RTKN2: variants seen among roughly 807,000 people sequenced by gnomAD.
The protein encoded by RTKN2 is rhotekin 2, also known as rhotekin-2.
A neutral mutation model predicts 71.5 loss-of-function variants in RTKN2; 69 were observed. The observed-to-expected ratio is 0.96, with a 90% confidence interval of 0.79 to 1.18. RTKN2 has a LOEUF of 1.18. Ranked by LOEUF, RTKN2 falls within the 50% of genes most tolerant of loss-of-function variation. The probability of loss-of-function intolerance (pLI) is 0.00; values close to 1 mark genes in which losing one functional copy is unlikely to be tolerated. For synonymous variants in RTKN2, 236 were observed against 236.5 expected (o/e 1.00, Z 0.02); for missense variants, 724 against 719.7 (o/e 1.01, Z -0.07).
rs568112317 is a variant in RTKN2 at position 62,235,682 on chromosome 10, G to GTC, written c.686+383_686+384insGA. ...ATGTATAAGGTGTGTGTGTGTGTGT[G>GTC]TGTGTGTATACATGTATGTATATAA... is the stretch of plus-strand genomic sequence containing the variant. On this transcript the variant is annotated intron_variant, in intron 6 of 11. Transcript: ENST00000373789. 7.0e-4 allele frequency among the ~76,000 whole-genome samples: 59 copies of GTC among 84,698 alleles called. No homozygotes were observed. The South Asian group carries it at 0.018, about 25-fold the overall frequency. 55.6% of individuals were successfully genotyped at this position (84,698 alleles called of 152,430 possible).
chr10:62,211,253 T>A (rs903401751), intron 9 of RTKN2, among the ~76,000 whole-genome samples: 7 of 152,200 alleles, frequency 4.6e-5, no homozygotes, highest in Admixed American at 4.6e-4. Flanking sequence ...TTTCTGAATT[T>A]GAAGCAATCA....
chr10:62,231,129 T>C (rs1415582447), intron 6 of RTKN2, among the ~76,000 whole-genome samples: 4 of 152,210 alleles, frequency 2.6e-5, no homozygotes, highest in Non-Finnish European at 5.9e-5. Flanking sequence ...ATTTAAAATG[T>C]AGTATTATAA....
chr10:62,215,175 G>T, intron 9 of RTKN2: 1 of 825,862 alleles, frequency 1.2e-6, no homozygotes, highest in Admixed American at 3.2e-5. Flanking sequence ...AAAATTAGTA[G>T]GATTTCATTT....
intron 1 of RTKN2, among the ~76,000 whole-genome samples, chr10:62,267,651 TC>T (rs1842890657): frequency 6.6e-6 from 1 of 152,336 alleles, no homozygotes; most frequent in Non-Finnish European, 1.5e-5. Flanking sequence ...GCTAAGGAAA[TC>T]CCAGATTTTT....
chr10:62,224,328 C>G (rs1841973930), intron 6 of RTKN2, among the ~76,000 whole-genome samples: 1 of 72,488 alleles, frequency 1.4e-5, no homozygotes, highest in African/African-American at 5.0e-5. Context: ...GAATGCTTTA[C>G]TACAAAAAAG....
At chr10:62,247,610 A>T (rs987459424) in intron 2 of RTKN2, among the ~76,000 whole-genome samples, 2 of 151,996 alleles carry the variant, frequency 1.3e-5, no homozygotes, top group African/African-American at 4.8e-5. Context: ...ATTTTATATT[A>T]GTTTGTAATG....
chr10:62,224,475 C>T (rs767916472), intron 6 of RTKN2, among the ~76,000 whole-genome samples: 25 of 151,908 alleles, frequency 1.6e-4, no homozygotes, highest in African/African-American at 2.7e-4. Context: ...GAAGGGTCCC[C>T]GTTCATTTAA....
intron 1 of RTKN2, among the ~76,000 whole-genome samples, 186 bp downstream of exon 1, chr10:62,268,365 G>T (rs1842903635): frequency 6.6e-6 from 1 of 152,260 alleles, no homozygotes; most frequent in Non-Finnish European, 1.5e-5. Context: ...GAAACTCGGG[G>T]GTTCCGATGT....
downstream of RTKN2, among the ~76,000 whole-genome samples, chr10:62,192,791 T>A (rs2132768692): frequency 6.6e-6 from 1 of 152,270 alleles, no homozygotes; most frequent in African/African-American, 2.4e-5. Context: ...AAGTACCTAG[T>A]AGGGCATGGC....
In RTKN2 at chr10:62,198,167, TG is replaced by T; in HGVS notation, c.1570del (p.Gln524AsnfsTer25). ...TTTTCCCCAGTTGTCCTTAACCAAT[TG>T]ATCTGTGTTACTCTGTGATTTTAAG... is the stretch of plus-strand genomic sequence containing the variant. Reference protein sequence around the residue: ...FSLKSQSNTDQLVKDNWGKTS... With the variant: ...FSLKSQSNTDXLVKDNWGKTS... On this transcript the variant is annotated frameshift_variant, in exon 12 of 12. Transcript: ENST00000373789. LOFTEE classifies it high-confidence loss of function. 6.2e-7 allele frequency: 1 copy of T among 1,614,122 alleles called. No homozygotes were observed. Among genetic ancestry groups the T allele is most frequent in the East Asian group, 2.2e-5 (1 of 44,888 alleles).
At chr10:62,230,973 A>T (rs1371703729) in intron 6 of RTKN2, among the ~76,000 whole-genome samples, 1 of 152,232 alleles carries the variant, frequency 6.6e-6, no homozygotes, top group Non-Finnish European at 1.5e-5. Flanking sequence ...TTAATTATAT[A>T]TAATAGTTGA....
rs1452054871 is a variant in RTKN2 at position 62,206,791 on chromosome 10, CTT to C, written c.1021-1771_1021-1770del. ...TACACTTCTATGTCTTGGTAATAAA[CTT>C]TGTGAATTAGTTCTTTTAAGTAATT... On this transcript the variant is annotated intron_variant, in intron 9 of 11. Coordinates refer to ENST00000373789, the MANE Select transcript of RTKN2 (RefSeq NM_145307.4). Among the ~76,000 whole-genome samples, 7 of 151,978 alleles carry C rather than the reference CTT, an allele frequency of 4.6e-5. No homozygotes were observed. The East Asian group carries it at 1.3e-3, about 29-fold the overall frequency.
chr10:62,249,251 A>T (rs1842532764), intron 2 of RTKN2, among the ~76,000 whole-genome samples: 2 of 152,096 alleles, frequency 1.3e-5, no homozygotes. Context: ...TAAAAATCAC[A>T]ATTATGTTGA....
At chr10:62,230,850 C>A (rs949981765) in intron 6 of RTKN2, among the ~76,000 whole-genome samples, 3 of 152,108 alleles carry the variant, frequency 2.0e-5, no homozygotes, top group Non-Finnish European at 4.4e-5. Context: ...TCCTTTAAAA[C>A]AAATAATGAC....
chr10:62,196,465 C>A lies in RTKN2; in HGVS notation c.*1443G>T. 1 of 985,256 alleles carries A rather than the reference C, an allele frequency of 1.0e-6. No individual in the cohort carries two copies. Among genetic ancestry groups the A allele is most frequent in the Non-Finnish European group, 1.2e-6 (1 of 829,812 alleles). The allele number at this position is 985,256 out of a possible 1,614,324, so 61.0% of individuals were successfully genotyped here. A position where few individuals can be genotyped will look rare whatever the true frequency, so the allele number is the denominator to read the frequency against. ...CTGGGCAAACACAAAAGTGTCCTGGCAGTTACATCATTCTCTATAAATGGA... is the reference window on the plus strand; with the variant it reads ...CTGGGCAAACACAAAAGTGTCCTGGAAGTTACATCATTCTCTATAAATGGA... On this transcript the variant is annotated 3_prime_UTR_variant, in exon 12 of 12. Coordinates refer to ENST00000373789, the MANE Select transcript of RTKN2 (RefSeq NM_145307.4).
intron 5 of RTKN2, chr10:62,238,546 G>A (rs1842305876): frequency 6.6e-6 from 1 of 151,872 alleles, no homozygotes; most frequent in Non-Finnish European, 1.5e-5. Flanking sequence ...AGTTGATAAT[G>A]GAAATAAATG....
chr10:62,198,060 GAGGAGCAGCCATTGGTTTCTGTA>G lies in RTKN2; in HGVS notation c.1655_1677del (p.Leu552SerfsTer10), dbSNP rs1841365223. On this transcript the variant is annotated frameshift_variant, in exon 12 of 12. Coordinates refer to ENST00000373789, the MANE Select transcript of RTKN2 (RefSeq NM_145307.4). LOFTEE classifies it high-confidence loss of function. ...TTTCTCCTGGCAGGCAGAAGTTTTC[GAGGAGCAGCCATTGGTTTCTGTA>G]AGTGATGCATTAGAGTTGATAGTTT... 6.2e-7 allele frequency: 1 copy of G among 1,613,910 alleles called. No individual in the cohort carries two copies. The highest frequency in any genetic ancestry group is 1.7e-5 in the Admixed American group (1 of 59,968).
At chr10:62,199,727 A>C (rs1345548259) in intron 11 of RTKN2, 27 bp downstream of exon 11, 2 of 1,351,748 alleles carry the variant, frequency 1.5e-6, no homozygotes, top group Non-Finnish European at 2.1e-6. Flanking sequence ...GTTATCCTGC[A>C]GCTTAGAAAA....
Position 62,194,629 on chromosome 10 carries a change from C to A in RTKN2, c.*3279G>T. ...TCATTCGTGGTAACACAGGTGATTA[C>A]ATTCAAATGGCATTTAACATAAATT... is the stretch of plus-strand genomic sequence containing the variant. On this transcript the variant is annotated 3_prime_UTR_variant, in exon 12 of 12. Transcript: ENST00000373789. 1 of 985,336 alleles carries A rather than the reference C, an allele frequency of 1.0e-6. No homozygotes were observed. The highest frequency in any genetic ancestry group is 1.2e-6 in the Non-Finnish European group (1 of 829,888). 61.0% of individuals were successfully genotyped at this position (985,336 alleles called of 1,614,324 possible).
Sources: gnomAD v4.1 joint callset for allele counts (sites outside exome capture counted in the v4.1 genomes callset) on GRCh38, gnomAD v4.1.1 for gene constraint, MANE v1.5 for transcripts, NCBI Gene and HGNC (gene_info 2026-07-23, HGNC 2026-07-21) for gene names.